The following MOK variants were observed in gnomAD, a reference collection of about 807,000 sequenced individuals.
MOK encodes MAPK/MAK/MRK overlapping kinase.
A neutral mutation model predicts 54.2 loss-of-function variants in MOK; 59 were observed. The observed-to-expected ratio is 1.09, with a 90% CI of 0.88 to 1.35. The LOEUF (loss-of-function observed/expected upper bound fraction) is 1.35. Among genes scored for constraint, MOK ranks in the 40% most tolerant of loss-of-function variants. The pLI is 0.00. For synonymous variants in MOK, 210 were observed against 202.7 expected, an observed-to-expected ratio of 1.04 and a Z score of -0.31; for missense variants, 517 against 526.2, an observed-to-expected ratio of 0.98 and a Z score of 0.17.
At chr14:102,267,527 T>C (rs527868987) in intron 2 of MOK, among the ~76,000 whole-genome samples, 7 of 152,098 alleles carry the variant, frequency 4.6e-5, no homozygotes, top group African/African-American at 9.7e-5. Flanking sequence ...GATTGTGCCA[T>C]TGCACTCCAG....
chr14:102,219,938 GT>G (rs2063698841), downstream of MOK, among the ~76,000 whole-genome samples: 1 of 152,222 alleles, frequency 6.6e-6, no homozygotes, highest in Admixed American at 6.5e-5. Context: ...CATGAAGGTG[GT>G]TCTAGTTGGC....
At chr14:102,297,375 T>C (rs947293280) in intron 1 of MOK, among the ~76,000 whole-genome samples, 2 of 146,256 alleles carry the variant, frequency 1.4e-5, no homozygotes, top group Non-Finnish European at 3.0e-5. Context: ...ATAATAACAA[T>C]AACAAATAAA....
intron 7 of MOK, among the ~76,000 whole-genome samples, chr14:102,247,086 C>T (rs766139059): frequency 3.9e-5 from 6 of 152,230 alleles, no homozygotes; most frequent in African/African-American, 7.2e-5. Context: ...TCCCTGCACC[C>T]GCCACCTGCG....
chr14:102,220,268 G>A (rs765121137), downstream of MOK, among the ~76,000 whole-genome samples: 7 of 152,190 alleles, frequency 4.6e-5, no homozygotes, highest in African/African-American at 9.6e-5. The surrounding 1 kb of genome is among the most constrained non-coding windows in gnomAD (Gnocchi z 4.2). Context: ...CCTCATGGCC[G>A]TCAGAAGCCA....
At chr14:102,260,195 A>AAT (rs2067274310) in intron 4 of MOK, among the ~76,000 whole-genome samples, 1 of 150,556 alleles carries the variant, frequency 6.6e-6, no homozygotes, top group Admixed American at 6.6e-5. Context: ...AAAAAAAAAA[A>AAT]CTTAGCTGGG....
chr14:102,292,290 G>A (rs1023729066), intron 1 of MOK, among the ~76,000 whole-genome samples: 3 of 151,918 alleles, frequency 2.0e-5, no homozygotes, highest in African/African-American at 4.8e-5. Context: ...TGGCTAACAC[G>A]GTGAAACCCC....
chr14:102,264,355 G>A (rs1378347653), intron 3 of MOK: 1 of 152,262 alleles, frequency 6.6e-6, no homozygotes, highest in Non-Finnish European at 1.5e-5. Flanking sequence ...CCAGTCAGGG[G>A]AAAAAGAGAA....
rs564733695 is a variant in MOK, at chr14:102,273,025, C to T, written c.123-7113G>A. ...TCTCTACTTAAAATACAAAAATTCGCCAGGCGTGGTGGCGGGTGCCTGTAG... is the reference window on the plus strand; with the variant it reads ...TCTCTACTTAAAATACAAAAATTCGTCAGGCGTGGTGGCGGGTGCCTGTAG... On this transcript the variant is annotated intron_variant, in intron 2 of 11. Coordinates refer to ENST00000361847, the MANE Select transcript of MOK (RefSeq NM_014226.3). Among the ~76,000 whole-genome samples, 5 of 152,110 alleles carry T rather than the reference C, an allele frequency of 3.3e-5. No individual in the cohort carries two copies. The East Asian group carries it at 9.7e-4, about 29-fold the overall frequency.
chr14:102,273,280 CA>C (rs760362999), intron 2 of MOK, among the ~76,000 whole-genome samples: 26,655 of 89,532 alleles, frequency 0.3, 2,917 homozygotes, highest in African/African-American at 0.44. Context: ...CATACTAGAA[CA>C]AAAAAAAAAA....
intron 4 of MOK, among the ~76,000 whole-genome samples, chr14:102,252,612 A>G (rs558240382): frequency 6.2e-4 from 95 of 152,306 alleles, no homozygotes; most frequent in Middle Eastern, 3.4e-3. Flanking sequence ...AATTTTTAGA[A>G]TTGTCAAATC....
At chr14:102,297,604 C>T (rs566884327) in intron 1 of MOK, among the ~76,000 whole-genome samples, 5 of 152,326 alleles carry the variant, frequency 3.3e-5, no homozygotes, top group South Asian at 2.1e-4. Context: ...GTGGGAGCCC[C>T]TCCCTGGGCT....
the MOK span, chr14:102,215,127 G>T: frequency 1.4e-4 from 61 of 421,210 alleles, no homozygotes; most frequent in African/African-American, 1.3e-3. Context: ...AGAACAGCCA[G>T]CCACCGGAAT....
At position 102,283,538 on chromosome 14, in the gene MOK, A is replaced by G. The variant is rs771376564; in HGVS notation, c.62T>C (p.Met21Thr). ...GEGTFSEVMK[M>T]QSLRDGNYYA... ...GTAGTTTCCATCTCTCAGGCTTTGC[A>G]TCTTCATAACTTCAGAAAACGTTCC... The change falls in exon 2 of 12, where the codon ATG becomes ACG. Residue 21 changes from methionine (M) to threonine (T), a missense_variant. Physicochemically the swap from Met to Thr is moderately conservative, Grantham distance 81 (BLOSUM62 -1). Transcript: ENST00000361847. 6.2e-7 allele frequency: 1 copy of G among 1,613,748 alleles called. No homozygotes were observed. Among genetic ancestry groups the G allele is most frequent in the South Asian group, 1.1e-5 (1 of 91,000 alleles).
At chr14:102,294,288 T>C (rs1330721939) in intron 1 of MOK, among the ~76,000 whole-genome samples, 1 of 151,798 alleles carries the variant, frequency 6.6e-6, no homozygotes, top group South Asian at 2.1e-4. Context: ...CTACTAAAAA[T>C]ACAAAAAATT....
intron 7 of MOK, among the ~76,000 whole-genome samples, chr14:102,237,492 C>T (rs1275203523): frequency 6.6e-6 from 1 of 152,108 alleles, no homozygotes; most frequent in Non-Finnish European, 1.5e-5. Flanking sequence ...AACTAGCAGG[C>T]TTTTTTAGAA....
At chr14:102,261,531 ATTT>A (rs1162684979) in intron 4 of MOK, among the ~76,000 whole-genome samples, 1 of 118,452 alleles carries the variant, frequency 8.4e-6, no homozygotes, top group African/African-American at 3.1e-5. Context: ...GTTGACTTTT[ATTT>A]TTTTTTTATT....
At position 102,244,757 on chromosome 14, in the gene MOK, G is replaced by A. The variant is rs546745234; in HGVS notation, c.590+6055C>T. Among the ~76,000 whole-genome samples the A allele has an allele frequency of 7.9e-5, 12 of 152,238 alleles. No homozygotes were observed. In the South Asian group the frequency reaches 2.1e-3, roughly 26 times the overall value. Reference sequence around the variant, plus strand: ...TCCCTTCTGTCAGACATAATTCCTCGGTTTGGCCTTCCCACCTCTATACGG... The same window carrying A: ...TCCCTTCTGTCAGACATAATTCCTCAGTTTGGCCTTCCCACCTCTATACGG... On this transcript the variant is annotated intron_variant, in intron 7 of 11. Transcript: ENST00000361847.
In MOK at chr14:102,229,449, C is replaced by T. The variant is rs527936188; in HGVS notation, c.1182+8G>A. 1.2e-4 allele frequency: 191 copies of T among 1,614,180 alleles called. 3 individuals are homozygous for T. In the South Asian group the frequency reaches 2.0e-3, roughly 17 times the overall value. On this transcript the variant is annotated splice_region_variant and intron_variant, in intron 11 of 11. Coordinates refer to ENST00000361847, the MANE Select transcript of MOK (RefSeq NM_014226.3). The stretch of plus-strand genomic sequence containing the variant: ...GCAGCGCCGTCAGAGAAGCTGGTTC[C>T]GCGCTACCTTCTTGCTCGCAGGGAT...
downstream of MOK, chr14:102,224,792 C>T (rs2064173442): frequency 6.6e-6 from 3 of 455,848 alleles, no homozygotes; most frequent in Non-Finnish European, 1.3e-5. Context: ...TGGAGTGAGT[C>T]TTCTAGAAAG....
Sources: allele counts gnomAD v4.1 joint callset (sites outside exome capture counted in the v4.1 genomes callset), GRCh38; gene constraint gnomAD v4.1.1; non-coding constraint Gnocchi (gnomAD v3.1); transcripts MANE v1.5; gene names NCBI Gene and HGNC (gene_info 2026-07-23, HGNC 2026-07-21).